Variants in CMIP observed in about 807,000 individuals in gnomAD.
The protein encoded by CMIP is c-Maf inducing protein.
CMIP carries 13 observed loss-of-function variants against 97.3 expected under a neutral mutation model. The ratio of observed to expected loss-of-function variants is 0.13; its 90% CI spans 0.09 to 0.21. The LOEUF (loss-of-function observed/expected upper bound fraction) is 0.21, where lower values mean the gene tolerates loss of function less well. Ranked by LOEUF, CMIP falls within the 10% of genes least tolerant of loss-of-function variation. The probability of loss-of-function intolerance (pLI) is 1.00; values close to 1 mark genes in which losing one functional copy is unlikely to be tolerated. For missense variants in CMIP, 847 were observed against 1,024.9 expected (o/e 0.83, Z 2.37); for synonymous variants, 538 against 436.3 (o/e 1.23, Z -2.91).
chr16:81,694,147 GTATTCCCAGT>G (rs145613716), intron 13 of CMIP, among the ~76,000 whole-genome samples: 339 of 152,308 alleles, frequency 2.2e-3, no homozygotes, highest in African/African-American at 7.7e-3. Flanking sequence ...GTCTTCTATA[GTATTCCCAGT>G]GTTGCGCGGC....
At chr16:81,591,083 G>T (rs1020922696) in intron 1 of CMIP, among the ~76,000 whole-genome samples, 3 of 152,226 alleles carry the variant, frequency 2.0e-5, no homozygotes, top group Non-Finnish European at 4.4e-5. Flanking sequence ...GAAAATGTTT[G>T]CTAAGCTCTG....
At chr16:81,586,347 G>A (rs775073239) in intron 1 of CMIP, among the ~76,000 whole-genome samples, 21 of 152,272 alleles carry the variant, frequency 1.4e-4, no homozygotes, top group Non-Finnish European at 2.6e-4. Flanking sequence ...TAATTTGTGG[G>A]TGCTATTATC....
At chr16:81,463,125 T>TG (rs1906991210) in intron 1 of CMIP, among the ~76,000 whole-genome samples, 2 of 152,190 alleles carry the variant, frequency 1.3e-5, no homozygotes, top group African/African-American at 4.8e-5. Context: ...TCCTTCCTTC[T>TG]GGATACCAAG....
intron 1 of CMIP, among the ~76,000 whole-genome samples, chr16:81,483,989 G>A (rs530338199): frequency 3.0e-4 from 45 of 152,286 alleles, no homozygotes; most frequent in African/African-American, 1.1e-3. Context: ...GTTCAATCCT[G>A]TATGTAATCA....
At chr16:81,597,594 G>T (rs78328477) in intron 1 of CMIP, among the ~76,000 whole-genome samples, 40 of 79,684 alleles carry the variant, frequency 5.0e-4, no homozygotes, top group African/African-American at 2.7e-3. Flanking sequence ...CGAGGGGAGC[G>T]GGGGGGGGGG....
chr16:81,552,163 G>A (rs895963310), intron 1 of CMIP, among the ~76,000 whole-genome samples: 4 of 152,202 alleles, frequency 2.6e-5, no homozygotes, highest in African/African-American at 9.7e-5. Flanking sequence ...AGGGGGCAGG[G>A]AGTTGGAATC....
chr16:81,627,803 G>A lies in CMIP; in HGVS notation c.477+6877G>A, dbSNP rs2092094773. ...ACAATCTCGCTTCCACCTCATGAGT[G>A]GCTGCGGCGCCTCGGGAATGAGTCT... On this transcript the variant is annotated intron_variant, in intron 3 of 20. Transcript: ENST00000537098. This position sits in a 1 kb window ranked among gnomAD's most constrained non-coding sequence, Gnocchi z 4.6. 6.6e-6 allele frequency among the ~76,000 whole-genome samples: 1 copy of A among 152,198 alleles called. No homozygotes were observed. Among genetic ancestry groups the A allele is most frequent in the Non-Finnish European group, 1.5e-5 (1 of 68,022 alleles).
At chr16:81,662,419 T>C (rs1465665569) in intron 6 of CMIP, among the ~76,000 whole-genome samples, 1 of 152,186 alleles carries the variant, frequency 6.6e-6, no homozygotes, top group South Asian at 2.1e-4. Flanking sequence ...GTACCCTTTT[T>C]GGCATTCTTT....
intron 13 of CMIP, among the ~76,000 whole-genome samples, chr16:81,694,547 C>G (rs148203260): frequency 2.0e-5 from 3 of 152,300 alleles, no homozygotes; most frequent in Admixed American, 1.3e-4. Flanking sequence ...TGGCAGGTCT[C>G]TCTGACTCAG....
At chr16:81,607,721 T>C in intron 2 of CMIP, 29 bp downstream of exon 2, 1 of 1,608,356 alleles carries the variant, frequency 6.2e-7, no homozygotes, top group East Asian at 2.2e-5. Context: ...AACAAGCAGT[T>C]TCTTCTCCCT....
At chr16:81,509,152 G>C (rs564056843) in intron 1 of CMIP, among the ~76,000 whole-genome samples, 7 of 152,198 alleles carry the variant, frequency 4.6e-5, no homozygotes, top group Non-Finnish European at 7.3e-5. Flanking sequence ...GTGTCTGCAG[G>C]TGTCACCAAC....
intron 9 of CMIP, among the ~76,000 whole-genome samples, chr16:81,673,408 C>T (rs527669836): frequency 6.6e-6 from 1 of 152,290 alleles, no homozygotes; most frequent in South Asian, 2.1e-4. Context: ...CTCAGCTACT[C>T]AGGAGGCTGA....
intron 3 of CMIP, among the ~76,000 whole-genome samples, chr16:81,628,987 T>C (rs1597166117): frequency 6.6e-6 from 1 of 151,408 alleles, no homozygotes; most frequent in South Asian, 2.1e-4. Flanking sequence ...AATACAAAAA[T>C]TAGCTGGGCG....
intron 2 of CMIP, among the ~76,000 whole-genome samples, chr16:81,610,955 G>A (rs1475761175): frequency 2.0e-5 from 3 of 152,158 alleles, no homozygotes; most frequent in East Asian, 3.9e-4. Flanking sequence ...CCCTGCTCCA[G>A]GGTGGGAGAG....
chr16:81,562,228 C>T, intron 1 of CMIP, among the ~76,000 whole-genome samples: 1 of 152,218 alleles, frequency 6.6e-6, no homozygotes, highest in Middle Eastern at 3.2e-3. Context: ...ACTCGGATCT[C>T]CTGGGACCCT....
chr16:81,652,093 G>T lies in CMIP; in HGVS notation c.478-110G>T, dbSNP rs1247359144. ...AAACGGGGACTGGGCCAAGTTGTCA[G>T]TTTCTCAGGGCCCTTTACACCCTAA... On this transcript the variant is annotated intron_variant, in intron 3 of 20. Transcript: ENST00000537098. The surrounding 1 kb of genome is among the most constrained non-coding windows in gnomAD (Gnocchi z 5.2). 1.2e-6 allele frequency: 1 copy of T among 823,436 alleles called. No individual in the cohort carries two copies. The highest frequency in any genetic ancestry group is 1.9e-6 in the Non-Finnish European group (1 of 522,686). 51.0% of individuals were successfully genotyped at this position (823,436 alleles called of 1,614,324 possible). A position where few individuals can be genotyped will look rare whatever the true frequency, so the allele number is the denominator to read the frequency against.
At chr16:81,486,238 A>G (rs1322755274) in intron 1 of CMIP, among the ~76,000 whole-genome samples, 3 of 152,220 alleles carry the variant, frequency 2.0e-5, no homozygotes, top group African/African-American at 4.8e-5. Flanking sequence ...GTTCCCAAGA[A>G]GTGGCTGTGA....
chr16:81,553,872 C>T (rs1279365373), intron 1 of CMIP, among the ~76,000 whole-genome samples: 1 of 152,250 alleles, frequency 6.6e-6, no homozygotes, highest in African/African-American at 2.4e-5. Context: ...TGTGCAGACA[C>T]GTGGCCCCCC....
chr16:81,700,895 A>G (rs1026008194), intron 15 of CMIP, among the ~76,000 whole-genome samples: 8 of 152,100 alleles, frequency 5.3e-5, no homozygotes, highest in Non-Finnish European at 8.8e-5. Context: ...TGTGACAGGG[A>G]TTCGGAGGCC....
Sources: allele counts gnomAD v4.1 joint callset (sites outside exome capture counted in the v4.1 genomes callset), GRCh38; gene constraint gnomAD v4.1.1; non-coding constraint Gnocchi (gnomAD v3.1); transcripts MANE v1.5; gene names NCBI Gene and HGNC (gene_info 2026-07-23, HGNC 2026-07-21).